LDB2: variants seen among roughly 807,000 people sequenced by gnomAD.
LDB2 encodes the protein LIM domain binding 2.
LDB2 carries 12 observed loss-of-function variants against 44.3 expected under a neutral mutation model. The observed-to-expected ratio is 0.27, with a 90% CI of 0.17 to 0.44. The LOEUF (loss-of-function observed/expected upper bound fraction) is 0.44. Ranked by LOEUF, LDB2 falls within the 20% of genes least tolerant of loss-of-function variation. LDB2 has a pLI of 1.00. For missense variants in LDB2, 344 were observed against 473.5 expected, an observed-to-expected ratio of 0.73 and a Z score of 2.54; for synonymous variants, 164 against 174.8, an observed-to-expected ratio of 0.94 and a Z score of 0.49.
intron 2 of LDB2, among the ~76,000 whole-genome samples, chr4:16,680,024 C>T (rs188621823): frequency 6.6e-6 from 1 of 152,076 alleles, no homozygotes; most frequent in African/African-American, 2.4e-5. Context: ...AGCCCTAATC[C>T]CCAGTGCAAT....
At chr4:16,725,764 GTC>G (rs1291591385) in intron 2 of LDB2, among the ~76,000 whole-genome samples, 1 of 151,814 alleles carries the variant, frequency 6.6e-6, no homozygotes, top group Non-Finnish European at 1.5e-5. Flanking sequence ...CTGCCTTTGA[GTC>G]TCTACCAAAA....
chr4:16,560,976 A>T lies in LDB2; in HGVS notation c.615+24946T>A, dbSNP rs1199371126. Among the ~76,000 whole-genome samples the T allele has an allele frequency of 1.2e-4, 18 of 152,358 alleles. 1 individual carries two copies. The Middle Eastern group carries it at 0.01, about 86-fold the overall frequency. The stretch of plus-strand genomic sequence containing the variant: ...AACCAAAGACAAAAACCACATGATT[A>T]TCTCAAAAGATGCAGAAAAGACCTT... On this transcript the variant is annotated intron_variant, in intron 5 of 7. Transcript: ENST00000304523.
intron 1 of LDB2, among the ~76,000 whole-genome samples, chr4:16,825,683 C>T (rs1353399070): frequency 6.6e-6 from 1 of 151,966 alleles, no homozygotes; most frequent in Non-Finnish European, 1.5e-5. Flanking sequence ...GAAATGACAT[C>T]ATTTGGCCTC....
intron 5 of LDB2, among the ~76,000 whole-genome samples, chr4:16,534,254 T>C (rs187772271): frequency 6.6e-6 from 1 of 152,318 alleles, no homozygotes; most frequent in East Asian, 1.9e-4. Flanking sequence ...AAAATGTGAT[T>C]AATATCCTCG....
At chr4:16,695,190 T>TA (rs1751819986) in intron 2 of LDB2, among the ~76,000 whole-genome samples, 1 of 152,184 alleles carries the variant, frequency 6.6e-6, no homozygotes, top group African/African-American at 2.4e-5. Flanking sequence ...CTAGGTACGG[T>TA]ACCTACAGTT....
chr4:16,816,943 G>A (rs1360214624), intron 1 of LDB2, among the ~76,000 whole-genome samples: 1 of 152,032 alleles, frequency 6.6e-6, no homozygotes, highest in African/African-American at 2.4e-5. Context: ...TCATCTGTAT[G>A]TCATCTGCGC....
intron 5 of LDB2, among the ~76,000 whole-genome samples, chr4:16,530,730 C>A (rs1246737210): frequency 6.6e-6 from 1 of 152,194 alleles, no homozygotes; most frequent in African/African-American, 2.4e-5. Context: ...CAGAGACTCT[C>A]CTGAAGTTTG....
At chr4:16,609,355 G>GGGGT (rs1448226320) in intron 2 of LDB2, among the ~76,000 whole-genome samples, 1 of 148,886 alleles carries the variant, frequency 6.7e-6, no homozygotes, top group Non-Finnish European at 1.5e-5. Flanking sequence ...AGGGGGCGGG[G>GGGGT]GGGGGAGGGG....
chr4:16,709,757 T>C (rs1456164308), intron 2 of LDB2, among the ~76,000 whole-genome samples: 2 of 152,206 alleles, frequency 1.3e-5, no homozygotes, highest in Admixed American at 1.3e-4. Context: ...TTCAATTTCT[T>C]CTGAAATATC....
chr4:16,631,180 G>A (rs529781794), intron 2 of LDB2, among the ~76,000 whole-genome samples: 2 of 152,090 alleles, frequency 1.3e-5, no homozygotes, highest in South Asian at 4.2e-4. Flanking sequence ...CCACATAATT[G>A]GAAATAAAAC....
In LDB2 at chr4:16,742,681, C is replaced by T. The variant is rs10033164; in HGVS notation, c.235+16477G>A. ...GCCAGTATATGAAAAAAGCAGAGGA[C>T]GCTCATGGAATCAGGTATACCCAAG... On this transcript the variant is annotated intron_variant, in intron 2 of 7. Coordinates refer to ENST00000304523, the MANE Select transcript of LDB2 (RefSeq NM_001290.5). 7.5e-3 allele frequency among the ~76,000 whole-genome samples: 1,144 copies of T among 152,238 alleles called. 11 individuals carry two copies. Among genetic ancestry groups the T allele is most frequent in the African/African-American group, 0.022 (921 of 41,534 alleles).
At chr4:16,801,704 A>G (rs566158924) in intron 1 of LDB2, among the ~76,000 whole-genome samples, 145 of 152,342 alleles carry the variant, frequency 9.5e-4, no homozygotes, top group Non-Finnish European at 1.6e-3. Flanking sequence ...ATAAAATTGA[A>G]CAGATCTACC....
chr4:16,523,605 A>T (rs1299666883), intron 5 of LDB2, among the ~76,000 whole-genome samples: 2 of 151,978 alleles, frequency 1.3e-5, no homozygotes, highest in Non-Finnish European at 2.9e-5. Context: ...GATAGTGTAG[A>T]TAGTGTGTAT....
chr4:16,795,725 G>A (rs1440210318), intron 1 of LDB2, among the ~76,000 whole-genome samples: 1 of 152,138 alleles, frequency 6.6e-6, no homozygotes, highest in African/African-American at 2.4e-5. Flanking sequence ...CGAATCCCTT[G>A]AGAATGAGGA....
chr4:16,839,059 G>C (rs551717845), intron 1 of LDB2, among the ~76,000 whole-genome samples: 1 of 152,318 alleles, frequency 6.6e-6, no homozygotes, highest in South Asian at 2.1e-4. Flanking sequence ...GAAAGACAAA[G>C]AAAGGAGAGG....
At chr4:16,560,179 A>G (rs187051026) in intron 5 of LDB2, among the ~76,000 whole-genome samples, 4 of 152,208 alleles carry the variant, frequency 2.6e-5, no homozygotes, top group Non-Finnish European at 4.4e-5. Context: ...GAGCAAACAC[A>G]TTCAAAAGCT....
chr4:16,650,219 A>C (rs2152523377), intron 2 of LDB2, among the ~76,000 whole-genome samples: 1 of 152,342 alleles, frequency 6.6e-6, no homozygotes, highest in Admixed American at 6.5e-5. Context: ...TCCCAACTGT[A>C]AAATGGAGAT....
chr4:16,595,816 CG>C lies in LDB2; in HGVS notation c.294del (p.Asp99ThrfsTer45), dbSNP rs1175069862. ...YFSTVFEGGV[T>X]DLYYILKHSK... ...GAGTGTTTGAGAATGTAATACAGGTCGGTCACCCCTCCTTCAAACACAGTGC... is the reference window on the plus strand; with the variant it reads ...GAGTGTTTGAGAATGTAATACAGGTCGTCACCCCTCCTTCAAACACAGTGC... On this transcript the variant is annotated frameshift_variant, in exon 3 of 8. Transcript: ENST00000304523. LOFTEE classifies it high-confidence loss of function. The C allele has an allele frequency of 6.2e-7, 1 of 1,613,432 alleles. No homozygotes were observed. The highest frequency in any genetic ancestry group is 8.5e-7 in the Non-Finnish European group (1 of 1,179,762).
chr4:16,600,825 G>T (rs1237384519), intron 2 of LDB2, among the ~76,000 whole-genome samples: 1 of 152,022 alleles, frequency 6.6e-6, no homozygotes, highest in Non-Finnish European at 1.5e-5. Flanking sequence ...ATATCTACAG[G>T]ATATTCATTG....
Sources: gnomAD v4.1 joint callset for allele counts (sites outside exome capture counted in the v4.1 genomes callset) on GRCh38, gnomAD v4.1.1 for gene constraint, MANE v1.5 for transcripts, NCBI Gene and HGNC (gene_info 2026-07-23, HGNC 2026-07-21) for gene names.